Variants in DNAH9 observed in about 807,000 individuals in gnomAD.
DNAH9 encodes dynein axonemal heavy chain 9.
In DNAH9, 345 loss-of-function variants were observed where a neutral mutation model predicts 471.6. That is an observed-to-expected ratio of 0.73 (90% CI 0.67 to 0.80). The LOEUF (loss-of-function observed/expected upper bound fraction) is 0.80, where lower values mean the gene tolerates loss of function less well. Among genes scored for constraint, DNAH9 ranks in the 30% least tolerant of loss-of-function variants. The pLI is 0.00. For missense variants in DNAH9, 5,407 were observed against 5,609.2 expected, an observed-to-expected ratio of 0.96 and a Z score of 1.15; for synonymous variants, 2,093 against 2,123.6, an observed-to-expected ratio of 0.99 and a Z score of 0.40.
intron 67 of DNAH9, 80 bp from the exon 68 acceptor site, chr17:11,961,787 A>G: frequency 4.0e-6 from 6 of 1,496,570 alleles, no homozygotes; most frequent in Non-Finnish European, 5.4e-6. Context: ...GGGTGCCATG[A>G]GCCAGGGGTC....
At chr17:11,744,575 A>G (rs1251946838) in intron 30 of DNAH9, among the ~76,000 whole-genome samples, 1 of 152,160 alleles carries the variant, frequency 6.6e-6, no homozygotes, top group African/African-American at 2.4e-5. Context: ...CATCATTTGT[A>G]TGTTCTGTGT....
At chr17:11,799,838 G>T (rs559425886) in intron 43 of DNAH9, among the ~76,000 whole-genome samples, 1 of 152,282 alleles carries the variant, frequency 6.6e-6, no homozygotes, top group East Asian at 1.9e-4. Context: ...ACCCGCCTTG[G>T]ACTCCCAAAG....
Position 11,607,198 on chromosome 17 carries a change from C to T in DNAH9, c.418-931C>T, listed in dbSNP as rs577228146. On this transcript the variant is annotated intron_variant, in intron 1 of 68. Coordinates refer to ENST00000262442, the MANE Select transcript of DNAH9 (RefSeq NM_001372.4). ...GGCCTTTGTGACTATTTAATCACCT[C>T]CTATTCACCCCGTTGATGAGGGAGG... Among the ~76,000 whole-genome samples, 407 of 151,766 alleles carry T rather than the reference C, an allele frequency of 2.7e-3. 4 individuals are homozygous for T. The highest frequency in any genetic ancestry group is 4.3e-3 in the Non-Finnish European group (288 of 67,610).
chr17:11,668,939 C>T (rs968191450), intron 15 of DNAH9, 125 bp from the exon 16 acceptor site: 83 of 685,506 alleles, frequency 1.2e-4, no homozygotes, highest in Non-Finnish European at 1.7e-4. Flanking sequence ...TTTACATTTC[C>T]GTTTCCCTAC....
In DNAH9 at chr17:11,598,647, C is replaced by G; in HGVS notation, c.149C>G (p.Ala50Gly). The stretch of plus-strand genomic sequence containing the variant: ...GCCTGGGAGCGTTGCGCGGGGAGTG[C>G]TGAGGCGGAGCAGCTGCTCCAGGCC... ...AGAWERCAGS[A>G]EAEQLLQAFL... Residue 50 changes from alanine (A) to glycine (G), a missense_variant, in exon 1 of 69, where the codon GCT becomes GGT. Around this residue, in one of 3 missense-constraint regions of DNAH9, gnomAD observed 767 missense variants for 692.5 expected, o/e 1.11. Coordinates refer to ENST00000262442, the MANE Select transcript of DNAH9 (RefSeq NM_001372.4). 7.4e-7 allele frequency: 1 copy of G among 1,355,704 alleles called. No individual in the cohort carries two copies. Among genetic ancestry groups the G allele is most frequent in the Non-Finnish European group, 9.4e-7 (1 of 1,059,830 alleles). 84.0% of individuals were successfully genotyped at this position (1,355,704 alleles called of 1,614,324 possible). A position where few individuals can be genotyped will look rare whatever the true frequency, so the allele number is the denominator to read the frequency against.
intron 30 of DNAH9, among the ~76,000 whole-genome samples, chr17:11,742,912 T>C (rs9906083): frequency 0.6 from 91,040 of 152,098 alleles, 29,138 homozygotes; most frequent in Admixed American, 0.74. Context: ...CTCTCAGCCA[T>C]GTGGAGTCTG....
intron 52 of DNAH9, among the ~76,000 whole-genome samples, chr17:11,873,715 C>T (rs1972365478): frequency 6.9e-6 from 1 of 145,698 alleles, no homozygotes; most frequent in African/African-American, 2.6e-5. Flanking sequence ...GGACAGAAAA[C>T]ATATTCATAG....
chr17:11,929,024 CTTTTTTTTTTTTT>C (rs71142254), intron 62 of DNAH9, among the ~76,000 whole-genome samples: 27 of 102,906 alleles, frequency 2.6e-4, no homozygotes, highest in Non-Finnish European at 3.4e-4. Flanking sequence ...GTGTTACAGC[CTTTTTTTTTTTTT>C]TTTTTTTTTT....
intron 50 of DNAH9, among the ~76,000 whole-genome samples, chr17:11,863,082 C>T (rs988775927): frequency 3.3e-5 from 5 of 152,308 alleles, no homozygotes; most frequent in South Asian, 2.1e-4. Flanking sequence ...TGAGAGAGGG[C>T]GTTCCTGTCT....
At chr17:11,607,622 T>G (rs2072536992) in intron 1 of DNAH9, among the ~76,000 whole-genome samples, 1 of 152,084 alleles carries the variant, frequency 6.6e-6, no homozygotes, top group Non-Finnish European at 1.5e-5. Context: ...CAGGCTGGAG[T>G]GCAGTGGTGT....
chr17:11,833,127 T>G (rs35773278), intron 48 of DNAH9, among the ~76,000 whole-genome samples: 17 of 152,164 alleles, frequency 1.1e-4, no homozygotes, highest in African/African-American at 3.9e-4. Context: ...AGATAGAAAA[T>G]CATCCTTCTC....
chr17:11,797,512 G>T, intron 42 of DNAH9, 85 bp from the exon 43 acceptor site: 2 of 1,130,078 alleles, frequency 1.8e-6, no homozygotes, highest in South Asian at 1.5e-5. Context: ...CAGGGAATGT[G>T]CAGAGCAAAT....
intron 43 of DNAH9, among the ~76,000 whole-genome samples, chr17:11,800,898 T>G (rs893096355): frequency 6.6e-6 from 1 of 152,122 alleles, no homozygotes; most frequent in African/African-American, 2.4e-5. Flanking sequence ...GCATGTTATA[T>G]GAGACTAAAT....
In DNAH9 at chr17:11,623,643, G is replaced by T. The variant is rs1326821770; in HGVS notation, c.1350+3862G>T. Among the ~76,000 whole-genome samples the T allele has an allele frequency of 1.3e-5, 2 of 152,070 alleles. No individual in the cohort carries two copies. Among genetic ancestry groups the T allele is most frequent in the African/African-American group, 4.8e-5 (2 of 41,420 alleles). Reference sequence around the variant, plus strand: ...TAGTTAATATTCTGTGTATCTCTGTGATCGATGCCTGATTGAAATGGGATT... The same window carrying T: ...TAGTTAATATTCTGTGTATCTCTGTTATCGATGCCTGATTGAAATGGGATT... On this transcript the variant is annotated intron_variant, in intron 6 of 68. Coordinates refer to ENST00000262442, the MANE Select transcript of DNAH9 (RefSeq NM_001372.4). This position sits in a 1 kb window ranked among gnomAD's most constrained non-coding sequence, Gnocchi z 4.1.
rs747879218 is a variant in DNAH9, at chr17:11,962,194, C to T, written c.13171C>T (p.Pro4391Ser). The T allele has an allele frequency of 1.9e-6, 3 of 1,614,080 alleles. No homozygotes were observed. The highest frequency in any genetic ancestry group is 1.1e-5 in the South Asian group (1 of 91,078). Reference sequence around the variant, plus strand: ...GAAGAACAGAGAAGAGTTTAGGAGTCCTCCTCGGGAAGGGGCCTACATCCA... The same window carrying T: ...GAAGAACAGAGAAGAGTTTAGGAGTTCTCCTCGGGAAGGGGCCTACATCCA... ...TKKNREEFRS[P>S]PREGAYIHGL... Residue 4391 changes from proline to serine, a missense_variant, in exon 68 of 69, where the codon CCT (proline) becomes TCT (serine). Physicochemically the swap from Pro to Ser is moderately conservative, Grantham distance 74. Transcript: ENST00000262442. This position sits in a 1 kb window ranked among gnomAD's most constrained non-coding sequence, Gnocchi z 4.1.
At chr17:11,948,474 C>G (rs547758216) in intron 67 of DNAH9, among the ~76,000 whole-genome samples, 55 of 152,144 alleles carry the variant, frequency 3.6e-4, no homozygotes, top group Non-Finnish European at 5.7e-4. Flanking sequence ...AAGTGATCCA[C>G]CCGCCTCGGC....
chr17:11,640,547 T>A (rs566921234), intron 10 of DNAH9, among the ~76,000 whole-genome samples, 163 bp downstream of exon 10: 2 of 152,166 alleles, frequency 1.3e-5, no homozygotes, highest in Admixed American at 6.5e-5. Flanking sequence ...AAAACAGTCA[T>A]GATATTGATG....
At chr17:11,826,796 G>A (rs1424497744) in intron 48 of DNAH9, among the ~76,000 whole-genome samples, 3 of 141,910 alleles carry the variant, frequency 2.1e-5, no homozygotes, top group Non-Finnish European at 4.6e-5. Context: ...TCTCAATTCT[G>A]TCCTCTTGTT....
At chr17:11,843,071 G>A (rs571063331) in intron 49 of DNAH9, among the ~76,000 whole-genome samples, 1 of 152,258 alleles carries the variant, frequency 6.6e-6, no homozygotes, top group Non-Finnish European at 1.5e-5. Context: ...CAATCCAGGA[G>A]CAAAACATTC....
Sources: allele counts gnomAD v4.1 joint callset (sites outside exome capture counted in the v4.1 genomes callset), GRCh38; gene constraint gnomAD v4.1.1; regional missense constraint gnomAD v4.1.1; non-coding constraint Gnocchi (gnomAD v3.1); transcripts MANE v1.5; gene names NCBI Gene and HGNC (gene_info 2026-07-23, HGNC 2026-07-21).